The following TMED8 variants were observed in gnomAD, a reference collection of about 807,000 sequenced individuals.
TMED8 encodes the protein protein TMED8.
A neutral mutation model predicts 32.7 loss-of-function variants in TMED8; 15 were observed. The ratio of observed to expected loss-of-function variants is 0.46; its 90% confidence interval spans 0.31 to 0.71. The LOEUF (loss-of-function observed/expected upper bound fraction) is 0.71, where lower values mean the gene tolerates loss of function less well. Among genes scored for constraint, TMED8 ranks in the 30% least tolerant of loss-of-function variants. The pLI is 0.06. For synonymous variants in TMED8, 147 were observed against 161.4 expected (o/e 0.91, Z 0.68); for missense variants, 390 against 423.9 (o/e 0.92, Z 0.70).
At chr14:77,360,129 C>A (rs1175854010) in intron 1 of TMED8, among the ~76,000 whole-genome samples, 1 of 152,078 alleles carries the variant, frequency 6.6e-6, no homozygotes, top group Non-Finnish European at 1.5e-5. Context: ...ATCCATCATC[C>A]CACAGCTATC....
In TMED8 at chr14:77,341,538, C is replaced by T; in HGVS notation, c.*233G>A. ...CCTTCAAGAGGGAATTTGCTGGAGT[C>T]TGAAGCAAGAAGGGTATGAGTCAGG... On this transcript the variant is annotated 3_prime_UTR_variant, in exon 6 of 6. Transcript: ENST00000216468. 1 of 561,670 alleles carries T rather than the reference C, an allele frequency of 1.8e-6. No individual in the cohort carries two copies. Among genetic ancestry groups the T allele is most frequent in the Non-Finnish European group, 3.2e-6 (1 of 313,268 alleles). 34.8% of individuals were successfully genotyped at this position (561,670 alleles called of 1,614,324 possible). A position where few individuals can be genotyped will look rare whatever the true frequency, so the allele number is the denominator to read the frequency against.
At chr14:77,343,957 G>T in intron 3 of TMED8, 134 bp from the exon 4 acceptor site, 2 of 829,954 alleles carry the variant, frequency 2.4e-6, no homozygotes, top group Non-Finnish European at 1.7e-6. Flanking sequence ...ACTAGTCAAT[G>T]TTCCTTCTCT....
At chr14:77,342,554 T>TA (rs1642557936) in intron 5 of TMED8, among the ~76,000 whole-genome samples, 1 of 152,140 alleles carries the variant, frequency 6.6e-6, no homozygotes, top group Non-Finnish European at 1.5e-5. Context: ...TAAGATTATA[T>TA]AAGAAAATCA....
chr14:77,362,867 A>G (rs2160841), intron 1 of TMED8, among the ~76,000 whole-genome samples: 39,212 of 152,178 alleles, frequency 0.26, 6,134 homozygotes, highest in East Asian at 0.4. Flanking sequence ...AAACTGTCAC[A>G]CGAAACAAAG....
At chr14:77,357,570 T>G (rs56162150) in intron 1 of TMED8, among the ~76,000 whole-genome samples, 34,049 of 152,160 alleles carry the variant, frequency 0.22, 4,028 homozygotes, top group Admixed American at 0.29. Flanking sequence ...CTTAGAATCA[T>G]AACAACCTCC....
chr14:77,354,773 G>A (rs144954982), intron 1 of TMED8, among the ~76,000 whole-genome samples: 2,717 of 152,232 alleles, frequency 0.018, 44 homozygotes, highest in Middle Eastern at 0.078. Flanking sequence ...GGCCAACACG[G>A]CAAAACCCTG....
Position 77,336,310 on chromosome 14 carries a change from C to G in TMED8, c.*5461G>C, listed in dbSNP as rs909503605. On this transcript the variant is annotated 3_prime_UTR_variant, in exon 6 of 6. Coordinates refer to ENST00000216468, the MANE Select transcript of TMED8 (RefSeq NM_213601.3). ...TCATCATATCTTTGAAGAGTCATGA[C>G]ATTAACTCTGGTCCACATACCTGGG... The G allele has an allele frequency of 2.0e-5, 3 of 152,028 alleles. No individual in the cohort carries two copies. The highest frequency in any genetic ancestry group is 4.8e-5 in the African/African-American group (2 of 41,364). The allele number at this position is 152,028 out of a possible 1,614,324, so 9.4% of individuals were successfully genotyped here. A position where few individuals can be genotyped will look rare whatever the true frequency, so the allele number is the denominator to read the frequency against.
intron 1 of TMED8, among the ~76,000 whole-genome samples, chr14:77,374,837 A>G (rs1221020741): frequency 6.6e-6 from 1 of 152,236 alleles, no homozygotes; most frequent in Non-Finnish European, 1.5e-5. Context: ...TCTCCCTGAA[A>G]TGGATCTCTC....
chr14:77,351,746 C>T lies in TMED8; in HGVS notation c.124G>A (p.Glu42Lys). The change falls in exon 2 of 6, where the codon GAA (glutamate) becomes AAA (lysine). Residue 42 changes from glutamate to lysine, a missense_variant. Transcript: ENST00000216468. ...EGSQAAASENEDLENKDTSLL... is the reference protein window; with the variant it reads ...EGSQAAASENKDLENKDTSLL... Reference sequence around the variant, plus strand: ...GAGGTATCCTTGTTTTCTAGATCTTCATTCTCTAGAAAACCATAGAAAGAA... The same window carrying T: ...GAGGTATCCTTGTTTTCTAGATCTTTATTCTCTAGAAAACCATAGAAAGAA... The T allele has an allele frequency of 1.2e-6, 2 of 1,611,634 alleles. No individual in the cohort carries two copies. The highest frequency in any genetic ancestry group is 1.7e-6 in the Non-Finnish European group (2 of 1,178,336).
At chr14:77,359,769 C>T in intron 1 of TMED8, 1 of 234,042 alleles carries the variant, frequency 4.3e-6, no homozygotes, top group Admixed American at 5.7e-5. Flanking sequence ...TGGAGTACCT[C>T]AATCTGCCAA....
chr14:77,372,934 ATATATATATATATATATATTTTTT>A (rs1476707853), intron 1 of TMED8, among the ~76,000 whole-genome samples: 25 of 30,434 alleles, frequency 8.2e-4, no homozygotes, highest in African/African-American at 5.3e-3. Context: ...ATATATATAT[ATATATATATATATATATATTTTTT>A]TTTTTTTTTT....
intron 2 of TMED8, among the ~76,000 whole-genome samples, chr14:77,350,721 G>C (rs1354586451): frequency 1.3e-5 from 2 of 152,154 alleles, no homozygotes; most frequent in African/African-American, 2.4e-5. Context: ...GCTGAGATGG[G>C]AGGGTTGCAT....
At chr14:77,345,390 G>A (rs2139605177) in intron 3 of TMED8, among the ~76,000 whole-genome samples, 1 of 152,298 alleles carries the variant, frequency 6.6e-6, no homozygotes, top group Middle Eastern at 3.4e-3. Flanking sequence ...AAACTGTAAA[G>A]TATTATACAA....
At position 77,340,059 on chromosome 14, in the gene TMED8, G is replaced by A. The variant is rs538683510; in HGVS notation, c.*1712C>T. ...AAGGACTCTGAAATCCTGGAATCACGGGATATCTCTGATTGGTTAGGGAAT... is the reference window on the plus strand; with the variant it reads ...AAGGACTCTGAAATCCTGGAATCACAGGATATCTCTGATTGGTTAGGGAAT... On this transcript the variant is annotated 3_prime_UTR_variant, in exon 6 of 6. Coordinates refer to ENST00000216468, the MANE Select transcript of TMED8 (RefSeq NM_213601.3). 4 of 152,278 alleles carry A rather than the reference G, an allele frequency of 2.6e-5. No homozygotes were observed. The highest frequency in any genetic ancestry group is 2.1e-4 in the South Asian group (1 of 4,816). 9.4% of individuals were successfully genotyped at this position (152,278 alleles called of 1,614,324 possible).
At chr14:77,367,321 A>G (rs1404496780) in intron 1 of TMED8, among the ~76,000 whole-genome samples, 1 of 152,052 alleles carries the variant, frequency 6.6e-6, no homozygotes, top group Non-Finnish European at 1.5e-5. Context: ...AGAGTACACA[A>G]AAGTGTATAC....
intron 1 of TMED8, among the ~76,000 whole-genome samples, chr14:77,375,136 G>A (rs1893782770): frequency 6.6e-6 from 1 of 152,094 alleles, no homozygotes; most frequent in Non-Finnish European, 1.5e-5. Flanking sequence ...AATATCTGTA[G>A]GTTATCATTA....
At chr14:77,366,822 A>C (rs1222112907) in intron 1 of TMED8, among the ~76,000 whole-genome samples, 4 of 152,186 alleles carry the variant, frequency 2.6e-5, no homozygotes, top group Admixed American at 2.0e-4. Context: ...ATAGTTTAAG[A>C]AATTGAAGCT....
At chr14:77,368,957 TA>T (rs1893617389) in intron 1 of TMED8, among the ~76,000 whole-genome samples, 1 of 152,234 alleles carries the variant, frequency 6.6e-6, no homozygotes, top group Admixed American at 6.5e-5. Flanking sequence ...ATGTCCTGTC[TA>T]AGATGTCTTT....
At chr14:77,361,872 C>T (rs961669936) in intron 1 of TMED8, among the ~76,000 whole-genome samples, 1 of 152,192 alleles carries the variant, frequency 6.6e-6, no homozygotes. Context: ...TCACTGCAGC[C>T]TCGACCTCCA....
Sources: gnomAD v4.1 joint callset for allele counts (sites outside exome capture counted in the v4.1 genomes callset) on GRCh38, gnomAD v4.1.1 for gene constraint, MANE v1.5 for transcripts, NCBI Gene and HGNC (gene_info 2026-07-23, HGNC 2026-07-21) for gene names.